The following NVL variants were observed in gnomAD, a reference collection of about 807,000 sequenced individuals.
NVL encodes nuclear valosin-containing protein-like.
In NVL, 84 loss-of-function variants were observed where a neutral mutation model predicts 110.2. That is an observed-to-expected ratio of 0.76 (90% CI 0.64 to 0.91). The LOEUF (loss-of-function observed/expected upper bound fraction) is 0.91, where lower values mean the gene tolerates loss of function less well. Among genes scored for constraint, NVL ranks in the 40% least tolerant of loss-of-function variants. The pLI is 0.00. For missense variants in NVL, 882 were observed against 1,035.9 expected, an observed-to-expected ratio of 0.85 and a Z score of 2.04; for synonymous variants, 354 against 361.1, an observed-to-expected ratio of 0.98 and a Z score of 0.22.
At chr1:224,267,297 A>G (rs767836747) in intron 18 of NVL, among the ~76,000 whole-genome samples, 1 of 152,170 alleles carries the variant, frequency 6.6e-6, no homozygotes, top group Non-Finnish European at 1.5e-5. Flanking sequence ...CTAAAAATCT[A>G]TCTTTAACTT....
chr1:224,240,224 C>T (rs908619795), intron 19 of NVL, among the ~76,000 whole-genome samples: 5 of 152,026 alleles, frequency 3.3e-5, no homozygotes, highest in South Asian at 2.1e-4. Context: ...CCCGCCACCA[C>T]GCCTGGCTAA....
chr1:224,244,757 G>A (rs575309332), intron 19 of NVL, among the ~76,000 whole-genome samples: 161 of 150,718 alleles, frequency 1.1e-3, no homozygotes, highest in African/African-American at 3.8e-3. Context: ...GCGTAATCTC[G>A]GCTCACTGCA....
At chr1:224,234,650 G>A (rs1004271770) in intron 20 of NVL, among the ~76,000 whole-genome samples, 2 of 151,796 alleles carry the variant, frequency 1.3e-5, no homozygotes, top group South Asian at 4.1e-4. Flanking sequence ...TAAATGTTAG[G>A]GTTATAACAT....
intron 21 of NVL, among the ~76,000 whole-genome samples, chr1:224,232,369 A>G (rs540211857): frequency 2.2e-3 from 340 of 151,988 alleles, no homozygotes; most frequent in African/African-American, 7.9e-3. Context: ...TAAATAAATA[A>G]AAATAAAAAT....
At chr1:224,307,129 A>G (rs1669002874) in intron 6 of NVL, among the ~76,000 whole-genome samples, 2 of 152,208 alleles carry the variant, frequency 1.3e-5, no homozygotes, top group African/African-American at 4.8e-5. Flanking sequence ...AATATTATTA[A>G]TGAGATGTTT....
At chr1:224,237,823 G>A (rs1208099252) in intron 19 of NVL, among the ~76,000 whole-genome samples, 3 of 150,596 alleles carry the variant, frequency 2.0e-5, no homozygotes, top group East Asian at 2.0e-4. Flanking sequence ...ATGGGGTGGC[G>A]TGTGCCTGTA....
At chr1:224,281,846 G>A (rs546823229) in intron 15 of NVL, among the ~76,000 whole-genome samples, 3 of 150,768 alleles carry the variant, frequency 2.0e-5, no homozygotes, top group East Asian at 2.1e-4. Context: ...TCAGCTACTC[G>A]AGAGGCTGAG....
At chr1:224,303,608 C>G in intron 9 of NVL, 115 bp downstream of exon 9, 1 of 1,023,064 alleles carries the variant, frequency 9.8e-7, no homozygotes, top group South Asian at 1.7e-5. Flanking sequence ...GTTCCAATGA[C>G]TATGTTCTCT....
chr1:224,317,818 G>A (rs1431977720), intron 3 of NVL, 25 bp from the exon 4 acceptor site: 2 of 1,557,892 alleles, frequency 1.3e-6, no homozygotes, highest in South Asian at 1.1e-5. Context: ...AAAACGCTAT[G>A]AGCTAAAACA....
intron 17 of NVL, among the ~76,000 whole-genome samples, chr1:224,273,907 C>T (rs1324807144): frequency 6.6e-6 from 1 of 151,982 alleles, no homozygotes; most frequent in East Asian, 1.9e-4. Context: ...GAAACAAAAC[C>T]GCTAAAATGT....
chr1:224,293,780 T>C (rs1429377778), intron 12 of NVL, among the ~76,000 whole-genome samples: 1 of 152,212 alleles, frequency 6.6e-6, no homozygotes, highest in Non-Finnish European at 1.5e-5. Context: ...AAAAACAACC[T>C]GAAACAATTA....
chr1:224,323,385 A>C (rs935271344), intron 2 of NVL, among the ~76,000 whole-genome samples: 3 of 152,222 alleles, frequency 2.0e-5, no homozygotes, highest in African/African-American at 7.2e-5. Context: ...TATTGTAAAA[A>C]ATGAAAAAGC....
In NVL at chr1:224,317,688, A is replaced by G; in HGVS notation, c.284+6T>C. On this transcript the variant is annotated splice_donor_region_variant and intron_variant, in intron 4 of 22. Coordinates refer to ENST00000281701, the MANE Select transcript of NVL (RefSeq NM_002533.4). ...TTTAAAAAAACCCTGCATTTGGTAT[A>G]CTTACTCATTATCCTCTTCACCTTG... 1.3e-6 allele frequency: 2 copies of G among 1,520,482 alleles called. No individual in the cohort carries two copies. The highest frequency in any genetic ancestry group is 1.8e-6 in the Non-Finnish European group (2 of 1,097,514). 94.2% of individuals were successfully genotyped at this position (1,520,482 alleles called of 1,614,324 possible).
chr1:224,260,805 G>A (rs1663890037), intron 18 of NVL, among the ~76,000 whole-genome samples: 1 of 148,370 alleles, frequency 6.7e-6, no homozygotes, highest in Non-Finnish European at 1.5e-5. Context: ...AGTTTCAAGT[G>A]ATCCTCCTGC....
intron 15 of NVL, among the ~76,000 whole-genome samples, chr1:224,284,159 G>A (rs1419430969): frequency 6.6e-6 from 1 of 151,984 alleles, no homozygotes. Context: ...CAAAAAGACA[G>A]AAATTTGCCC....
rs541997366 is a variant in NVL, at chr1:224,313,748, AC to A, written c.285-1892del. 1.1e-3 allele frequency among the ~76,000 whole-genome samples: 169 copies of A among 152,330 alleles called. 1 individual carries two copies. Among genetic ancestry groups the A allele is most frequent in the Admixed American group, 3.2e-3 (49 of 15,302 alleles). ...CCAGAGGCGGTGGCTCAAGCCTGTAACCCCAGCACTTTGGGAGGCCAAGGTG... is the reference window on the plus strand; with the variant it reads ...CCAGAGGCGGTGGCTCAAGCCTGTAACCCAGCACTTTGGGAGGCCAAGGTG... On this transcript the variant is annotated intron_variant, in intron 4 of 22. Transcript: ENST00000281701.
chr1:224,330,049 C>T, intron 1 of NVL, 22 bp downstream of exon 1: 1 of 1,613,052 alleles, frequency 6.2e-7, no homozygotes, highest in Non-Finnish European at 8.5e-7. Flanking sequence ...CTTGGCGAGG[C>T]CAAGCGGTGC....
chr1:224,319,987 A>G (rs887513087), intron 2 of NVL, among the ~76,000 whole-genome samples: 1 of 152,160 alleles, frequency 6.6e-6, no homozygotes, highest in African/African-American at 2.4e-5. Context: ...TCTATATAGT[A>G]ACTACCTGTA....
chr1:224,327,740 C>T (rs763406992), intron 1 of NVL, among the ~76,000 whole-genome samples: 12 of 150,860 alleles, frequency 8.0e-5, no homozygotes, highest in Non-Finnish European at 1.5e-4. Context: ...TAATGTCAAA[C>T]GCTGAAAAGA....
Sources: allele counts gnomAD v4.1 joint callset (sites outside exome capture counted in the v4.1 genomes callset), GRCh38; gene constraint gnomAD v4.1.1; transcripts MANE v1.5; gene names NCBI Gene and HGNC (gene_info 2026-07-23, HGNC 2026-07-21).